Variants in POP4 observed in about 807,000 individuals in gnomAD.
The protein encoded by POP4 is POP4 ribonuclease P/MRP subunit.
Under a neutral mutation model 29.9 loss-of-function variants are expected in POP4, and 31 were observed. That is an observed-to-expected ratio of 1.04 (90% confidence interval 0.78 to 1.40). The LOEUF is 1.40. POP4 is among the 40% of genes most tolerant of loss of function. The pLI is 0.00. For missense variants in POP4, 286 were observed against 282.7 expected (o/e 1.01, Z -0.08); for synonymous variants, 110 against 108.2 (o/e 1.02, Z -0.10).
rs1741474458 is a variant in POP4, at chr19:29,612,164, G to C, written c.410G>C (p.Gly137Ala). 6.2e-7 allele frequency: 1 copy of C among 1,609,896 alleles called. No individual in the cohort carries two copies. Among genetic ancestry groups the C allele is most frequent in the Non-Finnish European group, 8.5e-7 (1 of 1,178,798 alleles). The change falls in exon 5 of 7, where the codon GGG becomes GCG. Residue 137 changes from glycine (G) to alanine (A), a missense_variant. Transcript: ENST00000585603. Reference protein sequence around the residue: ...QAKLLKADLHGAIISVTKSKC... With the variant: ...QAKLLKADLHAAIISVTKSKC... ...AAGCTCTTAAAGGCAGATCTTCACG[G>C]GGCTATTATTTCAGGTAATTTACCT...
At chr19:29,609,372 AT>A (rs1385098913) in intron 2 of POP4, 1 of 152,334 alleles carries the variant, frequency 6.6e-6, no homozygotes, top group Non-Finnish European at 1.5e-5. Context: ...CTATCTTCCC[AT>A]CCCCATTGCT....
At position 29,606,342 on chromosome 19, in the gene POP4, A is replaced by G. The variant is rs2145553469; in HGVS notation, c.7+17A>G. ...GAATGAAGAGTAAGCGGGGCCGCGA[A>G]GTTGGAGAGGGTTGGGGACGTTAAG... is the stretch of plus-strand genomic sequence containing the variant. On this transcript the variant is annotated intron_variant, in intron 1 of 6. Transcript: ENST00000585603. The G allele has an allele frequency of 6.2e-7, 1 of 1,605,842 alleles. No homozygotes were observed.
At chr19:29,610,879 C>A in intron 3 of POP4, 1 of 519,556 alleles carries the variant, frequency 1.9e-6, no homozygotes, top group Non-Finnish European at 3.5e-6. Context: ...ACATCTGTTG[C>A]CCATGGCAAC....
In POP4 at chr19:29,610,447, C is replaced by T. The variant is rs1971051699; in HGVS notation, c.99C>T (p.Ala33=). Residue 33 remains alanine (A), a synonymous_variant, in exon 3 of 7, where the codon GCC becomes GCT. Coordinates refer to ENST00000585603, the MANE Select transcript of POP4 (RefSeq NM_006627.3). ...AGCGGGCCGAGGCCTTCGTGAGGGC[C>T]TTCCTGAAGCGCAGCACGCCCCGCA... is the stretch of plus-strand genomic sequence containing the variant. The part of the protein sequence containing the change: ...GAQRAEAFVR[A]FLKRSTPRMS... 6.3e-7 allele frequency: 1 copy of T among 1,589,638 alleles called. No individual in the cohort carries two copies. Among genetic ancestry groups the T allele is most frequent in the African/African-American group, 1.3e-5 (1 of 74,658 alleles).
rs113816520 is a variant in POP4 at position 29,608,340 on chromosome 19, C to T, written c.8-317C>T. Among the ~76,000 whole-genome samples the T allele has an allele frequency of 4.2e-3, 615 of 145,064 alleles. 1 individual carries two copies. Among genetic ancestry groups the T allele is most frequent in the Middle Eastern group, 7.5e-3 (2 of 266 alleles). ...GGAGTGCAATGGCACGATCTTGGCG[C>T]ATTGCAGCCTCTGCCTCCCAGGTTC... is the stretch of plus-strand genomic sequence containing the variant. On this transcript the variant is annotated intron_variant, in intron 1 of 6. Transcript: ENST00000585603.
At chr19:29,611,566 A>G in intron 3 of POP4, 1 of 304,968 alleles carries the variant, frequency 3.3e-6, no homozygotes. Flanking sequence ...GTAACAGAAA[A>G]CCTCAAAATA....
Position 29,616,793 on chromosome 19 carries a change from C to G in POP4, c.*1413C>G, listed in dbSNP as rs923715205. The G allele has an allele frequency of 6.6e-6, 1 of 152,314 alleles. No individual in the cohort carries two copies. Among genetic ancestry groups the G allele is most frequent in the African/African-American group, 2.4e-5 (1 of 41,442 alleles). The allele number at this position is 152,314 out of a possible 1,614,324, so 9.4% of individuals were successfully genotyped here. A position where few individuals can be genotyped will look rare whatever the true frequency, so the allele number is the denominator to read the frequency against. On this transcript the variant is annotated 3_prime_UTR_variant, in exon 7 of 7. Coordinates refer to ENST00000585603, the MANE Select transcript of POP4 (RefSeq NM_006627.3). ...GTCACCGCTGCCAGTGATGAACACACGCACGGGCTAGGCACATGGAGCCCA... is the reference window on the plus strand; with the variant it reads ...GTCACCGCTGCCAGTGATGAACACAGGCACGGGCTAGGCACATGGAGCCCA...
In POP4 at chr19:29,610,535, C is replaced by T. The variant is rs768101003; in HGVS notation, c.187C>T (p.Arg63Cys). ...RKAVVLEYFT[R>C]HKRKEKKKKA... The stretch of plus-strand genomic sequence containing the variant: ...GGCGGTGGTCCTGGAGTACTTCACC[C>T]GCCACAAGCGCAAGGAGAAGAAGAA... Residue 63 changes from arginine (R) to cysteine (C), a missense_variant, in exon 3 of 7, where the codon CGC becomes TGC. Coordinates refer to ENST00000585603, the MANE Select transcript of POP4 (RefSeq NM_006627.3). 1.8e-5 allele frequency: 29 copies of T among 1,613,942 alleles called. No individual in the cohort carries two copies. The highest frequency in any genetic ancestry group is 8.3e-5 in the Admixed American group (5 of 59,994).
intron 5 of POP4, among the ~76,000 whole-genome samples, chr19:29,612,816 T>C (rs1284522142): frequency 5.3e-5 from 8 of 152,232 alleles, no homozygotes; most frequent in Non-Finnish European, 1.0e-4. Flanking sequence ...ATCCTACTAC[T>C]TAAATTCAGC....
At chr19:29,613,531 G>A (rs1017017320) in intron 5 of POP4, among the ~76,000 whole-genome samples, 1 of 152,206 alleles carries the variant, frequency 6.6e-6, no homozygotes, top group African/African-American at 2.4e-5. Context: ...CTGCAAGGGA[G>A]ACCTGGCTGC....
chr19:29,612,898 G>A (rs1003850481), intron 5 of POP4, among the ~76,000 whole-genome samples: 4 of 152,220 alleles, frequency 2.6e-5, no homozygotes, highest in Non-Finnish European at 4.4e-5. Context: ...CGGTTACGTA[G>A]AAATCAGAGC....
intron 2 of POP4, among the ~76,000 whole-genome samples, chr19:29,609,834 G>A (rs762391018): frequency 1.7e-4 from 26 of 152,088 alleles, no homozygotes; most frequent in Admixed American, 3.3e-4. Context: ...GGGCGGGAGC[G>A]GACCTTTTGG....
intron 2 of POP4, chr19:29,609,326 A>G (rs1269576476): frequency 6.6e-6 from 1 of 152,450 alleles, no homozygotes; most frequent in Non-Finnish European, 1.5e-5. Context: ...AGTTCCCACC[A>G]TCATACTGTG....
intron 1 of POP4, among the ~76,000 whole-genome samples, chr19:29,606,938 C>T (rs753418780): frequency 5.3e-5 from 8 of 152,130 alleles, no homozygotes; most frequent in Non-Finnish European, 1.2e-4. Context: ...AGGTTTCTGG[C>T]AAGTAATGGA....
rs557870627 is a variant in POP4, at chr19:29,615,305, C to T, written c.588C>T (p.Tyr196=). ...CCGATGGCTTTATTTCCTACATTTA[C>T]GGGAGCAAATTCCAGCTTCGGTCAA... The part of the protein sequence containing the change: ...VETDGFISYI[Y]GSKFQLRSSE... The change falls in exon 7 of 7, where the codon TAC becomes TAT. Residue 196 remains tyrosine (Y), a synonymous_variant. Coordinates refer to ENST00000585603, the MANE Select transcript of POP4 (RefSeq NM_006627.3). 59 of 1,589,596 alleles carry T rather than the reference C, an allele frequency of 3.7e-5. No individual in the cohort carries two copies. The Middle Eastern group carries it at 5.0e-4, about 14-fold the overall frequency.
rs754457693 is a variant in POP4, at chr19:29,610,606, C to G, written c.258C>G (p.Leu86=). Reference sequence around the variant, plus strand: ...CCAGGCAAAGGAGGGAGCTGCGGCTCTTTGACATTAAACCAGAGCAGCAGA... The same window carrying G: ...CCAGGCAAAGGAGGGAGCTGCGGCTGTTTGACATTAAACCAGAGCAGCAGA... The part of the protein sequence containing the change: ...LSARQRRELR[L]FDIKPEQQRY... The change falls in exon 3 of 7, where the codon CTC becomes CTG. Residue 86 remains leucine, a synonymous_variant. Coordinates refer to ENST00000585603, the MANE Select transcript of POP4 (RefSeq NM_006627.3). 6.2e-7 allele frequency: 1 copy of G among 1,614,068 alleles called. No individual in the cohort carries two copies. The highest frequency in any genetic ancestry group is 1.1e-5 in the South Asian group (1 of 91,066).
At position 29,610,650 on chromosome 19, in the gene POP4, C is replaced by T. The variant is rs770820254; in HGVS notation, c.284+18C>T. The stretch of plus-strand genomic sequence containing the variant: ...CAGCAGAGGTAACCCGAGCTCCCCA[C>T]GTCTTTCTGCCCGCGGTGCTTACCC... On this transcript the variant is annotated intron_variant, in intron 3 of 6. Transcript: ENST00000585603. 7.5e-6 allele frequency: 12 copies of T among 1,609,072 alleles called. No individual in the cohort carries two copies. Among genetic ancestry groups the T allele is most frequent in the Admixed American group, 1.7e-5 (1 of 59,368 alleles).
intron 5 of POP4, among the ~76,000 whole-genome samples, chr19:29,612,659 A>G (rs1971084233): frequency 6.6e-6 from 1 of 152,142 alleles, no homozygotes; most frequent in Non-Finnish European, 1.5e-5. Context: ...TACATAGCCA[A>G]AGCTGCCACC....
chr19:29,606,719 A>AT (rs1200947330), intron 1 of POP4, among the ~76,000 whole-genome samples: 1 of 152,082 alleles, frequency 6.6e-6, no homozygotes, highest in Non-Finnish European at 1.5e-5. Flanking sequence ...TGATATCACT[A>AT]ACCCAAAGCT....
Sources: gnomAD v4.1 joint callset for allele counts (sites outside exome capture counted in the v4.1 genomes callset) on GRCh38, gnomAD v4.1.1 for gene constraint, MANE v1.5 for transcripts, NCBI Gene and HGNC (gene_info 2026-07-23, HGNC 2026-07-21) for gene names.